FOXO3: variants seen among roughly 807,000 people sequenced by gnomAD.
FOXO3 encodes forkhead box protein O3.
Under a neutral mutation model 41.9 loss-of-function variants are expected in FOXO3, and 4 were observed. The observed-to-expected ratio is 0.10, with a 90% CI of 0.05 to 0.22. The LOEUF is 0.22. Ranked by LOEUF, FOXO3 falls within the 10% of genes least tolerant of loss-of-function variation. The probability of loss-of-function intolerance (pLI) is 1.00; values close to 1 mark genes in which losing one functional copy is unlikely to be tolerated. For missense variants in FOXO3, 534 were observed against 906.8 expected, an observed-to-expected ratio of 0.59 and a Z score of 5.28; for synonymous variants, 318 against 389.3, an observed-to-expected ratio of 0.82 and a Z score of 2.16.
chr6:108,606,968 G>A (rs7754626), intron 1 of FOXO3, among the ~76,000 whole-genome samples: 27,673 of 152,142 alleles, frequency 0.18, 2,805 homozygotes, highest in Middle Eastern at 0.27. Context: ...GTTTTGTTAT[G>A]TGTAAAAACA....
Position 108,569,987 on chromosome 6 carries a change from G to GTTTTTTTTTTTTTTT in FOXO3, c.621+8174_621+8188dup, listed in dbSNP as rs71015551. On this transcript the variant is annotated intron_variant, in intron 1 of 2. Coordinates refer to ENST00000406360, the MANE Select transcript of FOXO3 (RefSeq NM_001455.4). ...TCCACATCATGTTTTCCCTTGCGTGGTTTTTTTTTTTTTTTTTTTTTTTTT... is the reference window on the plus strand; with the variant it reads ...TCCACATCATGTTTTCCCTTGCGTGGTTTTTTTTTTTTTTTTTTTTTTTTTTTTTTTTTTTTTTTT... Among the ~76,000 whole-genome samples the GTTTTTTTTTTTTTTT allele has an allele frequency of 4.2e-4, 31 of 73,262 alleles. 4 individuals carry two copies. The highest frequency in any genetic ancestry group is 7.0e-4 in the Non-Finnish European group (29 of 41,562). The allele number at this position is 73,262 out of a possible 152,430, so 48.1% of individuals were successfully genotyped here.
chr6:108,663,585 C>T lies in FOXO3; in HGVS notation c.752C>T (p.Ala251Val). 1 of 1,613,566 alleles carries T rather than the reference C, an allele frequency of 6.2e-7. No homozygotes were observed. Among genetic ancestry groups the T allele is most frequent in the Non-Finnish European group, 8.5e-7 (1 of 1,179,648 alleles). Reference protein sequence around the residue: ...GKSGKAPRRRAVSMDNSNKYT... With the variant: ...GKSGKAPRRRVVSMDNSNKYT... ...AGCGGAAAAGCCCCCCGGCGGCGGG[C>T]TGTCTCCATGGACAATAGCAACAAG... is the stretch of plus-strand genomic sequence containing the variant. Residue 251 changes from alanine to valine, a missense_variant, in exon 2 of 3, where the codon GCT becomes GTT. Physicochemically the swap from Ala to Val is moderately conservative, Grantham distance 64. Around this residue, in one of 8 missense-constraint regions of FOXO3, gnomAD observed 77 missense variants for 193.2 expected, o/e 0.40. Coordinates refer to ENST00000406360, the MANE Select transcript of FOXO3 (RefSeq NM_001455.4).
chr6:108,649,029 A>T (rs74642543), intron 1 of FOXO3, among the ~76,000 whole-genome samples: 2,943 of 151,134 alleles, frequency 0.019, 121 homozygotes, highest in African/African-American at 0.068. Flanking sequence ...AAAAAAAAAA[A>T]AAAAGGACTA....
At chr6:108,567,618 C>T (rs575361390) in intron 1 of FOXO3, among the ~76,000 whole-genome samples, 13 of 152,250 alleles carry the variant, frequency 8.5e-5, no homozygotes, top group East Asian at 1.9e-4. Context: ...GGTGGAGTAA[C>T]GGGTGTGTCC....
intron 1 of FOXO3, among the ~76,000 whole-genome samples, chr6:108,603,311 G>A (rs1460748080): frequency 1.3e-5 from 2 of 152,136 alleles, no homozygotes; most frequent in Non-Finnish European, 2.9e-5. Context: ...AAGGAGACTA[G>A]CAGAATCTGG....
chr6:108,594,951 T>C (rs1776836258), intron 1 of FOXO3, among the ~76,000 whole-genome samples: 1 of 152,342 alleles, frequency 6.6e-6, no homozygotes, highest in Middle Eastern at 3.4e-3. Flanking sequence ...CGTTGGTACC[T>C]ACGTGTCAGG....
intron 1 of FOXO3, among the ~76,000 whole-genome samples, chr6:108,577,167 A>G (rs1776284814): frequency 1.3e-5 from 2 of 150,328 alleles, no homozygotes; most frequent in Admixed American, 1.3e-4. Context: ...GTGAAAAGTT[A>G]AAAGTTCTTT....
In FOXO3 at chr6:108,684,579, ACT is replaced by A. The variant is rs1254358621; in HGVS notation, c.*4790_*4791del. The A allele has an allele frequency of 2.0e-5, 3 of 152,600 alleles. No homozygotes were observed. Among genetic ancestry groups the A allele is most frequent in the Admixed American group, 1.3e-4 (2 of 15,284 alleles). 9.5% of individuals were successfully genotyped at this position (152,600 alleles called of 1,614,324 possible). A position where few individuals can be genotyped will look rare whatever the true frequency, so the allele number is the denominator to read the frequency against. On this transcript the variant is annotated 3_prime_UTR_variant, in exon 3 of 3. Transcript: ENST00000406360. Reference sequence around the variant, plus strand: ...TCTAACCATATGTTGCCATGAATTAACTCTGCCGCCTTTCTTAAGGATCAAAA... The same window carrying A: ...TCTAACCATATGTTGCCATGAATTAACTGCCGCCTTTCTTAAGGATCAAAA...
intron 1 of FOXO3, chr6:108,617,972 T>C: frequency 1.8e-6 from 1 of 554,056 alleles, no homozygotes; most frequent in Non-Finnish European, 3.3e-6. Context: ...GAGAACAGAG[T>C]TCTGGAATGA....
intron 1 of FOXO3, among the ~76,000 whole-genome samples, chr6:108,646,209 T>A (rs1451922596): frequency 6.6e-6 from 1 of 152,198 alleles, no homozygotes; most frequent in African/African-American, 2.4e-5. Flanking sequence ...TTAAATAGTC[T>A]TGCATGGAAC....
intron 1 of FOXO3, among the ~76,000 whole-genome samples, chr6:108,635,928 A>G (rs779909445): frequency 3.2e-4 from 48 of 152,218 alleles, no homozygotes; most frequent in Non-Finnish European, 5.9e-4. Context: ...GTGTATAAGA[A>G]CTAGTTTCCT....
intron 1 of FOXO3, among the ~76,000 whole-genome samples, chr6:108,603,201 A>C (rs897163782): frequency 6.6e-6 from 1 of 152,082 alleles, no homozygotes; most frequent in African/African-American, 2.4e-5. Context: ...CTTCAGTAGA[A>C]GGTAGGATGA....
In FOXO3 at chr6:108,681,025, A is replaced by G. The variant is rs1770828833; in HGVS notation, c.*1233A>G. 6.5e-6 allele frequency: 1 copy of G among 152,684 alleles called. No homozygotes were observed. Among genetic ancestry groups the G allele is most frequent in the South Asian group, 2.1e-4 (1 of 4,836 alleles). 9.5% of individuals were successfully genotyped at this position (152,684 alleles called of 1,614,324 possible). On this transcript the variant is annotated 3_prime_UTR_variant, in exon 3 of 3. Transcript: ENST00000406360. The stretch of plus-strand genomic sequence containing the variant: ...AGGTTGTAATTGTACAAGTGACTCA[A>G]TGGAAGTACAAAATAGGGCAGTTTT...
At chr6:108,642,198 C>G (rs1018136299) in intron 1 of FOXO3, among the ~76,000 whole-genome samples, 2 of 151,770 alleles carry the variant, frequency 1.3e-5, no homozygotes, top group African/African-American at 2.4e-5. Context: ...AAGCAATCCT[C>G]CCATCTCAGC....
At position 108,658,362 on chromosome 6, in the gene FOXO3, G is replaced by A. The variant is rs185056038; in HGVS notation, c.622-5093G>A. On this transcript the variant is annotated intron_variant, in intron 1 of 2. Coordinates refer to ENST00000406360, the MANE Select transcript of FOXO3 (RefSeq NM_001455.4). ...TTTTTGTTTGTGTTGACTTAGTAAT[G>A]TAACTGGAAAAACCTGTCTGAACTT... Among the ~76,000 whole-genome samples, 318 of 152,246 alleles carry A rather than the reference G, an allele frequency of 2.1e-3. 4 individuals carry two copies. Among genetic ancestry groups the A allele is most frequent in the Non-Finnish European group, 5.0e-4 (34 of 68,024 alleles).
chr6:108,561,086 G>A lies in FOXO3; in HGVS notation c.-123G>A. The A allele has an allele frequency of 7.1e-7, 1 of 1,412,930 alleles. No individual in the cohort carries two copies. Among genetic ancestry groups the A allele is most frequent in the Non-Finnish European group, 9.2e-7 (1 of 1,092,830 alleles). The allele number at this position is 1,412,930 out of a possible 1,614,324, so 87.5% of individuals were successfully genotyped here. ...TCTCTCTTCTTTGGTGCTTCCCCAG[G>A]CGGCGGCGGCGGCGCCCGGGAGCCG... On this transcript the variant is annotated 5_prime_UTR_variant, in exon 1 of 3. Coordinates refer to ENST00000406360, the MANE Select transcript of FOXO3 (RefSeq NM_001455.4).
At chr6:108,560,151 T>TA (rs2128353728), upstream of FOXO3, 1 of 152,482 alleles carries the variant, frequency 6.6e-6, no homozygotes, top group African/African-American at 2.4e-5. Context: ...CTAGTGTTTT[T>TA]AAAGGACTCG....
chr6:108,625,751 T>C (rs1045642743), intron 1 of FOXO3, among the ~76,000 whole-genome samples: 2 of 152,114 alleles, frequency 1.3e-5, no homozygotes, highest in Non-Finnish European at 2.9e-5. Context: ...TGTGTGGCCT[T>C]GAGTGAGCCA....
chr6:108,652,999 C>G (rs948089293), intron 1 of FOXO3, among the ~76,000 whole-genome samples: 1 of 152,152 alleles, frequency 6.6e-6, no homozygotes, highest in Admixed American at 6.5e-5. Flanking sequence ...GCCCTTCTTT[C>G]CATCTCTTAT....
Sources: gnomAD v4.1 joint callset for allele counts (sites outside exome capture counted in the v4.1 genomes callset) on GRCh38, gnomAD v4.1.1 for gene constraint, gnomAD v4.1.1 regional missense constraint, MANE v1.5 for transcripts, NCBI Gene and HGNC (gene_info 2026-07-23, HGNC 2026-07-21) for gene names.